The following AFF3 variants were observed in gnomAD, a reference collection of about 807,000 sequenced individuals.
AFF3 encodes ALF transcription elongation factor 3.
AFF3 carries 32 observed loss-of-function variants against 129.7 expected under a neutral mutation model. That is an observed-to-expected ratio of 0.25 (90% CI 0.19 to 0.33). The LOEUF (loss-of-function observed/expected upper bound fraction) is 0.33, where lower values mean the gene tolerates loss of function less well. AFF3 is among the 10% of genes least tolerant of loss of function. The probability of loss-of-function intolerance (pLI) is 1.00; values close to 1 mark genes in which losing one functional copy is unlikely to be tolerated. For synonymous variants in AFF3, 644 were observed against 635.4 expected (o/e 1.01, Z -0.20); for missense variants, 1,373 against 1,592.0 (o/e 0.86, Z 2.34).
intron 7 of AFF3, among the ~76,000 whole-genome samples, chr2:99,974,615 C>T (rs1228061622): frequency 1.3e-5 from 2 of 152,204 alleles, no homozygotes; most frequent in African/African-American, 2.4e-5. Flanking sequence ...AATCTGACAA[C>T]CTTTTGTCTC....
rs901374177 is a variant in AFF3 at position 99,548,927 on chromosome 2, A to G, written c.*2547T>C. On this transcript the variant is annotated 3_prime_UTR_variant, in exon 25 of 25. Transcript: ENST00000672756. Reference sequence around the variant, plus strand: ...GCTCCACAGATGAAACAAGACAGTCATAAGAACTACACGCTCTGACCACTG... The same window carrying G: ...GCTCCACAGATGAAACAAGACAGTCGTAAGAACTACACGCTCTGACCACTG... 3 of 232,420 alleles carry G rather than the reference A, an allele frequency of 1.3e-5. No individual in the cohort carries two copies. The highest frequency in any genetic ancestry group is 4.4e-5 in the African/African-American group (2 of 45,338). 14.4% of individuals were successfully genotyped at this position (232,420 alleles called of 1,614,324 possible).
At chr2:100,056,032 T>C (rs1686741665) in intron 4 of AFF3, among the ~76,000 whole-genome samples, 1 of 139,056 alleles carries the variant, frequency 7.2e-6, no homozygotes. Flanking sequence ...CCCTGTCACT[T>C]AGAACAAAAA....
intron 7 of AFF3, among the ~76,000 whole-genome samples, chr2:99,885,581 TGCCCAGGA>T (rs1244327445): frequency 2.6e-5 from 4 of 152,226 alleles, no homozygotes; most frequent in African/African-American, 9.6e-5. Context: ...TCTATATTTG[TGCCCAGGA>T]GTTGCTGATT....
At chr2:99,810,329 C>T (rs1412414610) in intron 8 of AFF3, among the ~76,000 whole-genome samples, 1 of 152,194 alleles carries the variant, frequency 6.6e-6, no homozygotes, top group Non-Finnish European at 1.5e-5. Context: ...TCTTACCTGG[C>T]CGCTTTAACC....
At chr2:99,997,761 G>C (rs1329339671) in intron 7 of AFF3, among the ~76,000 whole-genome samples, 3 of 152,148 alleles carry the variant, frequency 2.0e-5, no homozygotes, top group Admixed American at 2.0e-4. Context: ...CAGGCGAGGA[G>C]GCACATTCCC....
chr2:99,596,869 T>A (rs1257531773), intron 14 of AFF3, among the ~76,000 whole-genome samples: 1 of 152,188 alleles, frequency 6.6e-6, no homozygotes, highest in Non-Finnish European at 1.5e-5. Context: ...GTACCCACTT[T>A]CAACACATCA....
intron 11 of AFF3, among the ~76,000 whole-genome samples, chr2:99,699,346 G>T (rs537022048): frequency 6.6e-6 from 1 of 152,238 alleles, no homozygotes; most frequent in South Asian, 2.1e-4. Context: ...ACTGGGTCAT[G>T]GGCAGGACAT....
chr2:99,913,823 CA>C (rs200836186), intron 7 of AFF3, among the ~76,000 whole-genome samples: 86 of 148,240 alleles, frequency 5.8e-4, no homozygotes, highest in African/African-American at 1.5e-3. Flanking sequence ...GATAATTTGA[CA>C]AAAAAAAATG....
At chr2:99,768,002 T>C (rs13403467) in intron 8 of AFF3, among the ~76,000 whole-genome samples, 1 of 152,170 alleles carries the variant, frequency 6.6e-6, no homozygotes, top group Admixed American at 6.5e-5. Flanking sequence ...TGGAGCCACA[T>C]GCAGGGCTCA....
At chr2:99,617,572 T>C (rs1168770220) in intron 13 of AFF3, among the ~76,000 whole-genome samples, 1 of 152,210 alleles carries the variant, frequency 6.6e-6, no homozygotes, top group Non-Finnish European at 1.5e-5. Context: ...GCAATGTATA[T>C]CAGTATATAT....
At chr2:99,767,324 T>C (rs145592297) in intron 8 of AFF3, among the ~76,000 whole-genome samples, 1 of 152,192 alleles carries the variant, frequency 6.6e-6, no homozygotes, top group Non-Finnish European at 1.5e-5. Flanking sequence ...AATTAGCATT[T>C]TGGCAAAGAA....
At chr2:99,595,066 G>C (rs1679151025) in intron 14 of AFF3, among the ~76,000 whole-genome samples, 3 of 152,200 alleles carry the variant, frequency 2.0e-5, no homozygotes, top group Non-Finnish European at 4.4e-5. Flanking sequence ...GAGGGTGGGG[G>C]GATGGCTAGG....
intron 11 of AFF3, among the ~76,000 whole-genome samples, chr2:99,674,697 C>T (rs1329769446): frequency 6.6e-6 from 1 of 152,052 alleles, no homozygotes; most frequent in Non-Finnish European, 1.5e-5. Flanking sequence ...GGCTGTGTGG[C>T]TGGGAAATTT....
chr2:99,904,407 C>T (rs1055183472), intron 7 of AFF3, among the ~76,000 whole-genome samples: 24 of 148,890 alleles, frequency 1.6e-4, no homozygotes, highest in Middle Eastern at 3.2e-3. Context: ...ATTTAGAGTT[C>T]GGAAAAAAAA....
At chr2:99,810,787 G>A (rs948405319) in intron 8 of AFF3, among the ~76,000 whole-genome samples, 2 of 152,178 alleles carry the variant, frequency 1.3e-5, no homozygotes, top group Non-Finnish European at 2.9e-5. Flanking sequence ...GCAAGACCAC[G>A]TTCTGTTCTG....
chr2:99,552,391 AAAAC>A (rs1482697761), intron 24 of AFF3, among the ~76,000 whole-genome samples: 2 of 152,212 alleles, frequency 1.3e-5, no homozygotes, highest in Non-Finnish European at 2.9e-5. Context: ...CTCCGCCTCA[AAAAC>A]AAACAAATAT....
At chr2:99,672,226 A>ACC (rs1687227499) in intron 12 of AFF3, among the ~76,000 whole-genome samples, 1 of 28,404 alleles carries the variant, frequency 3.5e-5, no homozygotes, top group Non-Finnish European at 6.1e-5. Flanking sequence ...ACACACACAC[A>ACC]CACACATGAA....
chr2:99,723,455 T>C (rs376332672), intron 11 of AFF3, among the ~76,000 whole-genome samples: 1 of 152,210 alleles, frequency 6.6e-6, no homozygotes, highest in Admixed American at 6.5e-5. Context: ...GACAGAGGGA[T>C]GTATAGGCCT....
chr2:99,922,268 T>C (rs1377345657), intron 7 of AFF3, among the ~76,000 whole-genome samples: 1 of 152,200 alleles, frequency 6.6e-6, no homozygotes, highest in Non-Finnish European at 1.5e-5. Context: ...GAAATTCCTA[T>C]ATTACAATAT....
Sources: allele counts gnomAD v4.1 joint callset (sites outside exome capture counted in the v4.1 genomes callset), GRCh38; gene constraint gnomAD v4.1.1; transcripts MANE v1.5; gene names NCBI Gene and HGNC (gene_info 2026-07-23, HGNC 2026-07-21).